GLCE: variants seen among roughly 807,000 people sequenced by gnomAD.
The protein encoded by GLCE is glucuronic acid epimerase.
GLCE carries 19 observed loss-of-function variants against 47.9 expected under a neutral mutation model. That is an observed-to-expected ratio of 0.40 (90% CI 0.28 to 0.58). GLCE has a LOEUF of 0.58. GLCE is among the 20% of genes least tolerant of loss of function. The probability of loss-of-function intolerance (pLI) is 0.48; values close to 1 mark genes in which losing one functional copy is unlikely to be tolerated. For synonymous variants in GLCE, 245 were observed against 263.4 expected (o/e 0.93, Z 0.68); for missense variants, 556 against 743.3 (o/e 0.75, Z 2.93).
At chr15:69,200,284 G>C (rs1372089632) in intron 1 of GLCE, among the ~76,000 whole-genome samples, 1 of 152,082 alleles carries the variant, frequency 6.6e-6, no homozygotes, top group Non-Finnish European at 1.5e-5. Context: ...AATATAAAGA[G>C]GCAAAGAAAT....
At chr15:69,215,541 T>G (rs1278732145) in intron 2 of GLCE, among the ~76,000 whole-genome samples, 1 of 150,148 alleles carries the variant, frequency 6.7e-6, no homozygotes, top group African/African-American at 2.4e-5. Context: ...ACATAAAGGG[T>G]GTGTGTGTGT....
At chr15:69,201,499 A>G (rs997345719) in intron 1 of GLCE, among the ~76,000 whole-genome samples, 1 of 151,596 alleles carries the variant, frequency 6.6e-6, no homozygotes. Context: ...CAAGTAAAAC[A>G]TATAGCATTG....
intron 2 of GLCE, among the ~76,000 whole-genome samples, chr15:69,246,808 A>T (rs1040181132): frequency 2.7e-4 from 41 of 152,084 alleles, no homozygotes; most frequent in Non-Finnish European, 4.0e-4. Flanking sequence ...TGGATACAGC[A>T]TTAATCTCGT....
At chr15:69,168,370 G>A (rs917204141) in intron 1 of GLCE, among the ~76,000 whole-genome samples, 2 of 152,088 alleles carry the variant, frequency 1.3e-5, no homozygotes, top group African/African-American at 4.8e-5. Context: ...CATACAGAAC[G>A]GTGCATTTTA....
chr15:69,218,429 G>A (rs1365804927), intron 2 of GLCE, among the ~76,000 whole-genome samples: 13 of 152,208 alleles, frequency 8.5e-5, no homozygotes, highest in South Asian at 6.2e-4. Flanking sequence ...CTGGAGGATC[G>A]CTTGAGCCTG....
intron 1 of GLCE, among the ~76,000 whole-genome samples, chr15:69,176,710 A>T (rs193236003): frequency 1.2e-4 from 19 of 152,304 alleles, no homozygotes; most frequent in African/African-American, 4.1e-4. Context: ...TTGCCACTTT[A>T]TTCCTAGCAT....
At chr15:69,231,049 T>G (rs116773903) in intron 2 of GLCE, among the ~76,000 whole-genome samples, 306 of 152,318 alleles carry the variant, frequency 2.0e-3, no homozygotes, top group African/African-American at 7.0e-3. Flanking sequence ...TTTTTTGGTT[T>G]ATTGAAACAA....
At chr15:69,185,825 C>T (rs1474568025) in intron 1 of GLCE, among the ~76,000 whole-genome samples, 5 of 151,924 alleles carry the variant, frequency 3.3e-5, no homozygotes, top group African/African-American at 4.8e-5. Context: ...CTTAAGATAC[C>T]AGTCACAAGT....
At chr15:69,185,757 T>C (rs186663000) in intron 1 of GLCE, among the ~76,000 whole-genome samples, 2 of 152,124 alleles carry the variant, frequency 1.3e-5, no homozygotes, top group East Asian at 3.9e-4. Context: ...AGCTGGGTAT[T>C]CTCCAGTTCA....
chr15:69,206,294 AT>A (rs1230568915), intron 1 of GLCE, among the ~76,000 whole-genome samples: 3 of 152,046 alleles, frequency 2.0e-5, no homozygotes, highest in Non-Finnish European at 4.4e-5. Context: ...CTCACATCTT[AT>A]CAAAGTGCAT....
chr15:69,261,299 T>A lies in GLCE; in HGVS notation c.799T>A (p.Phe267Ile), dbSNP rs1350217316. The A allele has an allele frequency of 6.2e-7, 1 of 1,614,034 alleles. No individual in the cohort carries two copies. Among genetic ancestry groups the A allele is most frequent in the East Asian group, 2.2e-5 (1 of 44,880 alleles). The change falls in exon 4 of 5, where the codon TTC becomes ATC. Residue 267 changes from phenylalanine (F) to isoleucine (I), a missense_variant. Physicochemically the swap from Phe to Ile is conservative, Grantham distance 21. Coordinates refer to ENST00000261858, the MANE Select transcript of GLCE (RefSeq NM_015554.3). ...GGCGAATGTGGCTGATAAGTCTAGATTCACCAATGTCAAACAGTTTATTGC... is the reference window on the plus strand; with the variant it reads ...GGCGAATGTGGCTGATAAGTCTAGAATCACCAATGTCAAACAGTTTATTGC... ...FMANVADKSR[F>I]TNVKQFIAPE...
At chr15:69,244,088 C>T (rs1335238567) in intron 2 of GLCE, among the ~76,000 whole-genome samples, 4 of 152,118 alleles carry the variant, frequency 2.6e-5, no homozygotes, top group East Asian at 1.9e-4. Flanking sequence ...TTTGCTTCAA[C>T]GAGCTATACC....
intron 2 of GLCE, among the ~76,000 whole-genome samples, chr15:69,234,121 G>A (rs1031793064): frequency 6.6e-6 from 1 of 151,892 alleles, no homozygotes; most frequent in African/African-American, 2.4e-5. Flanking sequence ...GGCAGTACAG[G>A]CACACGCCAC....
chr15:69,186,323 C>T (rs1187497141), intron 1 of GLCE, among the ~76,000 whole-genome samples: 2 of 152,074 alleles, frequency 1.3e-5, no homozygotes, highest in Non-Finnish European at 2.9e-5. Context: ...AGAGGCCTGC[C>T]TCTGAGGCCT....
chr15:69,250,620 G>A (rs2052826754), intron 2 of GLCE, among the ~76,000 whole-genome samples: 1 of 151,512 alleles, frequency 6.6e-6, no homozygotes, highest in East Asian at 1.9e-4. Flanking sequence ...TTCCAGCCTG[G>A]GCTGGTTCGT....
At chr15:69,228,979 C>T (rs2052484671) in intron 2 of GLCE, among the ~76,000 whole-genome samples, 1 of 152,036 alleles carries the variant, frequency 6.6e-6, no homozygotes, top group Non-Finnish European at 1.5e-5. Context: ...TCTTTAAAAC[C>T]AAAATATATT....
chr15:69,178,515 A>G (rs553529812), intron 1 of GLCE, among the ~76,000 whole-genome samples: 27 of 152,260 alleles, frequency 1.8e-4, no homozygotes, highest in Non-Finnish European at 3.7e-4. Context: ...TGAGTATTAG[A>G]TAAGTTAATA....
chr15:69,265,894 G>A (rs1431419558), intron 4 of GLCE, among the ~76,000 whole-genome samples: 2 of 152,178 alleles, frequency 1.3e-5, no homozygotes, highest in Non-Finnish European at 2.9e-5. Flanking sequence ...AAGCACTCAA[G>A]ATAGTCTGCT....
intron 1 of GLCE, among the ~76,000 whole-genome samples, chr15:69,173,684 T>A (rs980860320): frequency 6.6e-6 from 1 of 152,160 alleles, no homozygotes; most frequent in African/African-American, 2.4e-5. Context: ...TTTTCCAATT[T>A]AAAAATTTTT....
Sources: gnomAD v4.1 joint callset for allele counts (sites outside exome capture counted in the v4.1 genomes callset) on GRCh38, gnomAD v4.1.1 for gene constraint, MANE v1.5 for transcripts, NCBI Gene and HGNC (gene_info 2026-07-23, HGNC 2026-07-21) for gene names.